The following DNAH3 variants were observed in gnomAD, a reference collection of about 807,000 sequenced individuals.
DNAH3 encodes the protein dynein axonemal heavy chain 3, also known as axonemal beta dynein heavy chain 3.
A neutral mutation model predicts 432.5 loss-of-function variants in DNAH3; 332 were observed. The ratio of observed to expected loss-of-function variants is 0.77; its 90% CI spans 0.70 to 0.84. The LOEUF (loss-of-function observed/expected upper bound fraction) is 0.84. Ranked by LOEUF, DNAH3 falls within the 40% of genes least tolerant of loss-of-function variation. DNAH3 has a pLI of 0.00. For synonymous variants in DNAH3, 1,956 were observed against 1,900.2 expected (o/e 1.03, Z -0.76); for missense variants, 4,861 against 5,114.0 (o/e 0.95, Z 1.51).
Position 21,060,409 on chromosome 16 carries a change from G to C in DNAH3, c.3721-53C>G. ...AGCAGTCAACCAAAGCCCAGAGGGA[G>C]GGAGAGTGGGCAGAACACAGCTTTC... is the stretch of plus-strand genomic sequence containing the variant. On this transcript the variant is annotated intron_variant, in intron 25 of 61. Coordinates refer to ENST00000261383, the Ensembl canonical transcript of DNAH3. The C allele has an allele frequency of 7.2e-6, 10 of 1,393,148 alleles. 1 individual carries two copies. The South Asian group carries it at 1.0e-4, about 15-fold the overall frequency. The allele number at this position is 1,393,148 out of a possible 1,614,324, so 86.3% of individuals were successfully genotyped here. A position where few individuals can be genotyped will look rare whatever the true frequency, so the allele number is the denominator to read the frequency against.
chr16:21,015,200 A>G (rs2087798467), intron 41 of DNAH3, among the ~76,000 whole-genome samples: 1 of 152,250 alleles, frequency 6.6e-6, no homozygotes, highest in Non-Finnish European at 1.5e-5. Context: ...AAACATACAT[A>G]CAATGAAATA....
intron 51 of DNAH3, among the ~76,000 whole-genome samples, chr16:20,973,678 C>T (rs898867276): frequency 2.0e-5 from 3 of 152,226 alleles, no homozygotes; most frequent in Non-Finnish European, 2.9e-5. Context: ...TCTTCTACTA[C>T]GTGAACGTAG....
exon 13 of DNAH3, chr16:21,112,051 G>T: frequency 6.2e-7 from 1 of 1,613,708 alleles, no homozygotes; most frequent in Non-Finnish European, 8.5e-7. Context: ...GTTTTGCTCT[G>T]CCGTGTTATC....
intron 1 of DNAH3, among the ~76,000 whole-genome samples, chr16:21,154,483 C>T (rs2152837960): frequency 6.6e-6 from 1 of 152,130 alleles, no homozygotes; most frequent in Middle Eastern, 3.4e-3. Flanking sequence ...GGTATGCTAC[C>T]ATCTGAAATT....
intron 49 of DNAH3, 96 bp from the exon 50 acceptor site, chr16:20,979,642 A>T: frequency 9.1e-7 from 1 of 1,095,862 alleles, no homozygotes. Context: ...GAGAAGGCAC[A>T]TACACTGACT....
chr16:21,088,213 T>A (rs1424065972), intron 18 of DNAH3, among the ~76,000 whole-genome samples: 1 of 152,142 alleles, frequency 6.6e-6, no homozygotes, highest in South Asian at 2.1e-4. Flanking sequence ...TAAAAAAAAG[T>A]ATCCTTCATG....
chr16:21,064,861 GT>G (rs763290200), intron 24 of DNAH3, among the ~76,000 whole-genome samples: 14,347 of 51,620 alleles, frequency 0.28, 822 homozygotes, highest in East Asian at 0.47. Context: ...ATTGAGGTAG[GT>G]GTGTGTGTGT....
exon 53 of DNAH3, chr16:20,964,775 T>A: frequency 6.2e-7 from 1 of 1,614,158 alleles, no homozygotes; most frequent in African/African-American, 1.3e-5. Flanking sequence ...CTGAAGTCAC[T>A]GAAGCCAGGG....
At chr16:20,933,234 A>G in exon 62 of DNAH3, 4 of 1,614,202 alleles carry the variant, frequency 2.5e-6, no homozygotes, top group Non-Finnish European at 3.4e-6. Flanking sequence ...AGCTCAATGG[A>G]GAGGACATAG....
At chr16:21,103,357 G>GT (rs2091880831) in intron 16 of DNAH3, among the ~76,000 whole-genome samples, 2 of 151,236 alleles carry the variant, frequency 1.3e-5, no homozygotes, top group African/African-American at 2.4e-5. Flanking sequence ...GTGTGTGTGG[G>GT]GGGGGGCAGG....
intron 7 of DNAH3, among the ~76,000 whole-genome samples, chr16:21,133,942 G>A (rs1567850692): frequency 6.6e-6 from 1 of 152,156 alleles, no homozygotes; most frequent in Non-Finnish European, 1.5e-5. Context: ...GAAAAGTGAT[G>A]CGACCACATA....
chr16:20,990,157 C>T (rs2086483961), intron 44 of DNAH3, among the ~76,000 whole-genome samples: 1 of 152,220 alleles, frequency 6.6e-6, no homozygotes, highest in Non-Finnish European at 1.5e-5. Flanking sequence ...GAGGAGGCGC[C>T]CAGAGCGAGC....
chr16:21,005,118 A>G (rs924941966), intron 41 of DNAH3, among the ~76,000 whole-genome samples: 2 of 151,926 alleles, frequency 1.3e-5, no homozygotes, highest in Non-Finnish European at 2.9e-5. Flanking sequence ...TTAGTTGACT[A>G]ATTTTCTTCC....
chr16:21,064,860 G>GGTGT (rs369066790), intron 24 of DNAH3, among the ~76,000 whole-genome samples: 2,812 of 131,680 alleles, frequency 0.021, 72 homozygotes, highest in South Asian at 0.055. Context: ...TATTGAGGTA[G>GGTGT]GTGTGTGTGT....
exon 18 of DNAH3, chr16:21,097,457 T>C (rs1429801892): frequency 1.9e-6 from 3 of 1,613,772 alleles, no homozygotes; most frequent in Non-Finnish European, 2.5e-6. Flanking sequence ...AGAGGGTAAG[T>C]ACTCTTCTCC....
intron 18 of DNAH3, among the ~76,000 whole-genome samples, chr16:21,096,407 C>T (rs2091681579): frequency 6.6e-6 from 1 of 152,112 alleles, no homozygotes; most frequent in Admixed American, 6.5e-5. Context: ...GCTGGGACTA[C>T]AGGTGTGAGC....
At chr16:21,088,887 A>G (rs2091455184) in intron 18 of DNAH3, among the ~76,000 whole-genome samples, 1 of 152,230 alleles carries the variant, frequency 6.6e-6, no homozygotes, top group Non-Finnish European at 1.5e-5. Flanking sequence ...AATAACTTCT[A>G]GGCAAAGAAG....
chr16:20,980,133 G>A (rs1367149608), intron 49 of DNAH3, among the ~76,000 whole-genome samples: 1 of 143,978 alleles, frequency 6.9e-6, no homozygotes, highest in African/African-American at 2.6e-5. Flanking sequence ...CTAAACTTTG[G>A]TAGTTTGGAG....
At chr16:21,121,512 T>A (rs1357648751) in intron 10 of DNAH3, among the ~76,000 whole-genome samples, 1 of 152,118 alleles carries the variant, frequency 6.6e-6, no homozygotes, top group African/African-American at 2.4e-5. Context: ...AACCCACAGA[T>A]ATGGCTTGGG....
Sources: gnomAD v4.1 joint callset for allele counts (sites outside exome capture counted in the v4.1 genomes callset) on GRCh38, gnomAD v4.1.1 for gene constraint, MANE v1.5 for transcripts, NCBI Gene and HGNC (gene_info 2026-07-23, HGNC 2026-07-21) for gene names.